The following SIDT1 variants were observed in gnomAD, a reference collection of about 807,000 sequenced individuals.
SIDT1 encodes SID1 transmembrane family, member 1.
Under a neutral mutation model 107.5 loss-of-function variants are expected in SIDT1, and 101 were observed. That is an observed-to-expected ratio of 0.94 (90% CI 0.80 to 1.11). SIDT1 has a LOEUF of 1.11. SIDT1 is among the 50% of genes least tolerant of loss of function. The probability of loss-of-function intolerance (pLI) is 0.00; values close to 1 mark genes in which losing one functional copy is unlikely to be tolerated. For missense variants in SIDT1, 1,076 were observed against 1,058.2 expected (o/e 1.02, Z -0.23); for synonymous variants, 395 against 398.2 (o/e 0.99, Z 0.10).
intron 22 of SIDT1, 22 bp from the exon 23 acceptor site, chr3:113,623,601 G>T: frequency 1.2e-6 from 2 of 1,602,192 alleles, no homozygotes; most frequent in Non-Finnish European, 1.7e-6. Context: ...GCGTGAGGCC[G>T]CATCTGCTTC....
chr3:113,583,113 T>C (rs1943482512), intron 6 of SIDT1, among the ~76,000 whole-genome samples: 1 of 152,232 alleles, frequency 6.6e-6, no homozygotes, highest in Non-Finnish European at 1.5e-5. Context: ...CATAGGCTAT[T>C]CACATATTAT....
chr3:113,539,468 A>G (rs1938558647), intron 1 of SIDT1, among the ~76,000 whole-genome samples: 1 of 152,116 alleles, frequency 6.6e-6, no homozygotes, highest in African/African-American at 2.4e-5. Flanking sequence ...GTTTTTAGAG[A>G]CCACAGTCTG....
At chr3:113,591,611 G>C (rs976672528) in intron 9 of SIDT1, among the ~76,000 whole-genome samples, 1 of 152,148 alleles carries the variant, frequency 6.6e-6, no homozygotes, top group South Asian at 2.1e-4. Context: ...AGGAGAATGG[G>C]GTGAACCCGG....
intron 3 of SIDT1, among the ~76,000 whole-genome samples, chr3:113,570,332 A>G (rs1231043888): frequency 2.6e-5 from 4 of 152,268 alleles, no homozygotes. Flanking sequence ...TTTGAACTGC[A>G]GAGAAGCCTT....
chr3:113,540,762 TTG>T (rs1560005721), intron 1 of SIDT1, among the ~76,000 whole-genome samples: 1 of 152,210 alleles, frequency 6.6e-6, no homozygotes, highest in East Asian at 1.9e-4. Flanking sequence ...ATAAAATAAA[TTG>T]TTTTTTTAAA....
intron 1 of SIDT1, among the ~76,000 whole-genome samples, chr3:113,554,416 C>G: frequency 6.6e-6 from 1 of 152,158 alleles, no homozygotes; most frequent in Non-Finnish European, 1.5e-5. Context: ...GGGAGGGGAC[C>G]GATGGGAGGT....
chr3:113,568,602 AAAAGAAAAG>A (rs1159627854), intron 3 of SIDT1, among the ~76,000 whole-genome samples: 2 of 59,890 alleles, frequency 3.3e-5, no homozygotes, highest in African/African-American at 5.6e-5. Context: ...TCAAAAAAAA[AAAAGAAAAG>A]AAAAGAAAAG....
At chr3:113,623,033 T>A (rs181706939) in intron 21 of SIDT1, among the ~76,000 whole-genome samples, 2 of 151,138 alleles carry the variant, frequency 1.3e-5, no homozygotes, top group East Asian at 2.0e-4. Flanking sequence ...ACAAAAAAAA[T>A]TTTAAAAGTT....
intron 1 of SIDT1, among the ~76,000 whole-genome samples, chr3:113,539,693 G>A (rs765544834): frequency 1.3e-5 from 2 of 152,048 alleles, no homozygotes; most frequent in Non-Finnish European, 2.9e-5. Flanking sequence ...GATCAACTTA[G>A]TTACTATCTT....
intron 10 of SIDT1, among the ~76,000 whole-genome samples, chr3:113,594,016 A>G (rs544595119): frequency 6.6e-6 from 1 of 152,346 alleles, no homozygotes; most frequent in South Asian, 2.1e-4. Context: ...TAGAGCAAGA[A>G]TTTGGTTAAA....
intron 24 of SIDT1, among the ~76,000 whole-genome samples, chr3:113,627,007 CTTACGTCTT>C (rs1467607011): frequency 6.6e-6 from 1 of 152,160 alleles, no homozygotes; most frequent in Non-Finnish European, 1.5e-5. Flanking sequence ...ATAAACAGTC[CTTACGTCTT>C]TTACTTTTGA....
At chr3:113,535,108 C>CAAAAAATT (rs780573580) in intron 1 of SIDT1, among the ~76,000 whole-genome samples, 2 of 152,062 alleles carry the variant, frequency 1.3e-5, no homozygotes, top group Admixed American at 6.5e-5. Flanking sequence ...CCTCTCTCTA[C>CAAAAAATT]AAAAAATTAA....
chr3:113,549,031 C>T (rs187044249), intron 1 of SIDT1, among the ~76,000 whole-genome samples: 4 of 152,236 alleles, frequency 2.6e-5, no homozygotes, highest in African/African-American at 9.6e-5. Context: ...GCTTCTTCTA[C>T]ATAGCAAAAT....
intron 9 of SIDT1, 73 bp downstream of exon 9, chr3:113,585,343 C>A: frequency 5.4e-6 from 6 of 1,115,798 alleles, no homozygotes; most frequent in Non-Finnish European, 8.2e-6. Flanking sequence ...ACAGACTTGA[C>A]AGATATATTG....
At chr3:113,632,542 C>T (rs1302301824), downstream of SIDT1, among the ~76,000 whole-genome samples, 1 of 152,172 alleles carries the variant, frequency 6.6e-6, no homozygotes, top group African/African-American at 2.4e-5. Context: ...AAGTAATAAG[C>T]TTTTTGAGGG....
At chr3:113,589,529 C>T (rs988298841) in intron 9 of SIDT1, among the ~76,000 whole-genome samples, 25 of 116,028 alleles carry the variant, frequency 2.2e-4, no homozygotes, top group African/African-American at 6.6e-4. Context: ...ACTTCTCTCC[C>T]TTTTTTTTTT....
chr3:113,568,747 T>C (rs770043920), intron 3 of SIDT1, among the ~76,000 whole-genome samples: 1 of 152,172 alleles, frequency 6.6e-6, no homozygotes, highest in African/African-American at 2.4e-5. Flanking sequence ...AGATATCTCA[T>C]TGTGGTATTC....
At chr3:113,616,387 T>C (rs1309437861) in intron 20 of SIDT1, among the ~76,000 whole-genome samples, 2 of 152,156 alleles carry the variant, frequency 1.3e-5, no homozygotes, top group Middle Eastern at 3.2e-3. Flanking sequence ...ATAAACAAAA[T>C]ATTTGCTAGT....
intron 3 of SIDT1, among the ~76,000 whole-genome samples, chr3:113,573,583 C>T (rs1218655868): frequency 6.6e-6 from 1 of 152,164 alleles, no homozygotes; most frequent in Non-Finnish European, 1.5e-5. Context: ...CCCCAAAATT[C>T]ATATTGAAAT....
Sources: allele counts gnomAD v4.1 joint callset (sites outside exome capture counted in the v4.1 genomes callset), GRCh38; gene constraint gnomAD v4.1.1; transcripts MANE v1.5; gene names NCBI Gene and HGNC (gene_info 2026-07-23, HGNC 2026-07-21).